BBX: variants seen among roughly 807,000 people sequenced by gnomAD.
The protein encoded by BBX is HMG box transcription factor BBX.
In BBX, 30 loss-of-function variants were observed where a neutral mutation model predicts 100.2. The ratio of observed to expected loss-of-function variants is 0.30; its 90% CI spans 0.22 to 0.41. The LOEUF (loss-of-function observed/expected upper bound fraction) is 0.41. BBX is among the 10% of genes least tolerant of loss of function. The pLI, the probability that BBX is intolerant of heterozygous loss-of-function variation, is 1.00. For synonymous variants in BBX, 376 were observed against 388.1 expected (o/e 0.97, Z 0.37); for missense variants, 1,023 against 1,129.8 (o/e 0.91, Z 1.35).
chr3:107,694,987 G>A (rs1282285537), intron 3 of BBX, among the ~76,000 whole-genome samples: 5 of 151,494 alleles, frequency 3.3e-5, no homozygotes, highest in Admixed American at 6.6e-5. Context: ...TTGTGTAGAG[G>A]TGTTTGTAGT....
intron 13 of BBX, among the ~76,000 whole-genome samples, chr3:107,782,070 A>G (rs10511265): frequency 0.17 from 25,705 of 152,114 alleles, 2,746 homozygotes; most frequent in South Asian, 0.37. Flanking sequence ...ACTGTTTGAA[A>G]GTCTCCGCTG....
chr3:107,678,008 C>T (rs527408263), intron 3 of BBX, among the ~76,000 whole-genome samples: 2 of 152,170 alleles, frequency 1.3e-5, no homozygotes, highest in South Asian at 4.2e-4. Flanking sequence ...GAAATAATGT[C>T]GTAAACAATT....
At chr3:107,649,581 G>A (rs891185293) in intron 3 of BBX, among the ~76,000 whole-genome samples, 2 of 152,166 alleles carry the variant, frequency 1.3e-5, no homozygotes, top group African/African-American at 4.8e-5. Context: ...TGTGATCAAA[G>A]TTCAAGAATC....
intron 2 of BBX, among the ~76,000 whole-genome samples, chr3:107,535,913 T>G (rs2048462351): frequency 6.6e-6 from 1 of 152,268 alleles, no homozygotes; most frequent in Non-Finnish European, 1.5e-5. Flanking sequence ...CTTTGTACTT[T>G]TAAATACTTA....
intron 2 of BBX, among the ~76,000 whole-genome samples, chr3:107,566,372 A>C (rs929441840): frequency 6.6e-6 from 1 of 152,012 alleles, no homozygotes; most frequent in Non-Finnish European, 1.5e-5. Context: ...AAGAAATTTT[A>C]CATCTACTTT....
chr3:107,724,934 A>G (rs948793542), intron 5 of BBX, among the ~76,000 whole-genome samples: 2 of 152,138 alleles, frequency 1.3e-5, no homozygotes, highest in Admixed American at 1.3e-4. Context: ...GTTTTTTCCA[A>G]TTCTGTGAAG....
At chr3:107,796,150 T>TA (rs1286951018) in intron 15 of BBX, among the ~76,000 whole-genome samples, 2 of 152,218 alleles carry the variant, frequency 1.3e-5, no homozygotes, top group Non-Finnish European at 2.9e-5. Context: ...GGACTGCTGT[T>TA]AGTAAATTTA....
intron 3 of BBX, among the ~76,000 whole-genome samples, chr3:107,677,203 T>G (rs1244900333): frequency 1.3e-5 from 2 of 152,166 alleles, no homozygotes; most frequent in Non-Finnish European, 2.9e-5. Context: ...TTTACATTCT[T>G]AATTTTATAA....
chr3:107,561,004 T>C (rs2050452299), intron 2 of BBX, among the ~76,000 whole-genome samples: 1 of 152,214 alleles, frequency 6.6e-6, no homozygotes, highest in African/African-American at 2.4e-5. Context: ...GTAGAATGTT[T>C]AGCAGCATCC....
chr3:107,698,916 G>T (rs1049863775), intron 3 of BBX, among the ~76,000 whole-genome samples: 6 of 151,734 alleles, frequency 4.0e-5, no homozygotes, highest in African/African-American at 1.5e-4. Context: ...GAAACAGAGG[G>T]TCACAGAGCA....
chr3:107,596,532 G>A (rs935538885), intron 2 of BBX, among the ~76,000 whole-genome samples: 2 of 152,188 alleles, frequency 1.3e-5, no homozygotes, highest in African/African-American at 2.4e-5. Flanking sequence ...GATAGGCTAA[G>A]CTAGGAATTG....
At chr3:107,615,360 A>G (rs779258572) in intron 2 of BBX, among the ~76,000 whole-genome samples, 2 of 152,172 alleles carry the variant, frequency 1.3e-5, no homozygotes, top group Admixed American at 6.5e-5. Context: ...TACACTGGGT[A>G]GCTTATAAAC....
intron 3 of BBX, among the ~76,000 whole-genome samples, chr3:107,704,892 T>C (rs1260541425): frequency 6.6e-6 from 1 of 152,032 alleles, no homozygotes; most frequent in Non-Finnish European, 1.5e-5. Flanking sequence ...GGCTTTCAGA[T>C]AAAAGAAGAG....
intron 2 of BBX, among the ~76,000 whole-genome samples, chr3:107,624,512 A>G (rs1391759588): frequency 6.6e-6 from 1 of 152,224 alleles, no homozygotes; most frequent in Non-Finnish European, 1.5e-5. Context: ...AACAGTTTTT[A>G]TCACTAAAAA....
intron 15 of BBX, among the ~76,000 whole-genome samples, chr3:107,793,703 A>G (rs1258166815): frequency 6.6e-6 from 1 of 152,210 alleles, no homozygotes; most frequent in Non-Finnish European, 1.5e-5. Context: ...AATGTTAGAC[A>G]GGCATTGTTT....
intron 7 of BBX, among the ~76,000 whole-genome samples, chr3:107,741,046 T>C (rs2064056847): frequency 1.3e-5 from 2 of 150,848 alleles, no homozygotes; most frequent in Admixed American, 1.3e-4. Flanking sequence ...CTATTAAATA[T>C]TTGTTGAATG....
At chr3:107,566,089 C>T (rs1414688471) in intron 2 of BBX, among the ~76,000 whole-genome samples, 3 of 140,468 alleles carry the variant, frequency 2.1e-5, no homozygotes, top group African/African-American at 5.3e-5. Flanking sequence ...GCAGGAGAAT[C>T]GCTTGAACTC....
chr3:107,597,413 G>C (rs1168847536), intron 2 of BBX, among the ~76,000 whole-genome samples: 2 of 152,140 alleles, frequency 1.3e-5, no homozygotes, highest in Non-Finnish European at 1.5e-5. Flanking sequence ...CATGTAAATT[G>C]CAAAGCTTTG....
At chr3:107,608,781 C>T (rs1277490328) in intron 2 of BBX, among the ~76,000 whole-genome samples, 2 of 152,194 alleles carry the variant, frequency 1.3e-5, no homozygotes, top group Non-Finnish European at 2.9e-5. Flanking sequence ...TCTTTCACTT[C>T]TTTGGTTAAA....
Sources: allele counts gnomAD v4.1 joint callset (sites outside exome capture counted in the v4.1 genomes callset), GRCh38; gene constraint gnomAD v4.1.1; transcripts MANE v1.5; gene names NCBI Gene and HGNC (gene_info 2026-07-23, HGNC 2026-07-21).